Variants in ABCA5 observed in about 807,000 individuals in gnomAD.
ABCA5 encodes cholesterol transporter ABCA5.
A neutral mutation model predicts 206.0 loss-of-function variants in ABCA5; 163 were observed. The ratio of observed to expected loss-of-function variants is 0.79; its 90% CI spans 0.70 to 0.90. The LOEUF (loss-of-function observed/expected upper bound fraction) is 0.90. Ranked by LOEUF, ABCA5 falls within the 40% of genes least tolerant of loss-of-function variation. The pLI, the probability that ABCA5 is intolerant of heterozygous loss-of-function variation, is 0.00. For missense variants in ABCA5, 1,859 were observed against 1,912.9 expected (o/e 0.97, Z 0.53); for synonymous variants, 609 against 613.8 (o/e 0.99, Z 0.11).
intron 23 of ABCA5, among the ~76,000 whole-genome samples, chr17:69,265,292 G>T (rs2075196121): frequency 6.6e-6 from 1 of 152,042 alleles, no homozygotes; most frequent in African/African-American, 2.4e-5. Context: ...CACAGAAAAA[G>T]AATTCTCAGT....
At chr17:69,294,851 A>G (rs1598187035) in intron 10 of ABCA5, 138 bp from the exon 11 acceptor site, 1 of 544,326 alleles carries the variant, frequency 1.8e-6, no homozygotes, top group Admixed American at 3.5e-5. Flanking sequence ...TCCTACTAAA[A>G]CAATGAACCA....
intron 21 of ABCA5, 122 bp downstream of exon 21, chr17:69,271,040 T>A: frequency 8.3e-7 from 1 of 1,211,346 alleles, no homozygotes; most frequent in Non-Finnish European, 1.1e-6. Flanking sequence ...AGCTAGTTAT[T>A]TCCAAAAGTA....
chr17:69,279,837 A>C (rs887239067), intron 18 of ABCA5, among the ~76,000 whole-genome samples: 1 of 152,226 alleles, frequency 6.6e-6, no homozygotes, highest in Non-Finnish European at 1.5e-5. Flanking sequence ...CATATGTAGA[A>C]AGCTGAAACT....
In ABCA5 at chr17:69,270,758, T is replaced by A. The variant is rs1555577492; in HGVS notation, c.2893-8A>T. ...AGCTGCAAAAACATAGTCCTACAAT[T>A]AAAAAAAAGACACTTATTACATACT... On this transcript the variant is annotated splice_region_variant and splice_polypyrimidine_tract_variant and intron_variant, in intron 21 of 38. Transcript: ENST00000392676. 3 of 1,520,648 alleles carry A rather than the reference T, an allele frequency of 2.0e-6. No individual in the cohort carries two copies. The highest frequency in any genetic ancestry group is 2.6e-6 in the Non-Finnish European group (3 of 1,140,538). 94.2% of individuals were successfully genotyped at this position (1,520,648 alleles called of 1,614,324 possible).
intron 28 of ABCA5, 21 bp from the exon 29 acceptor site, chr17:69,256,304 T>A (rs771030655): frequency 2.8e-6 from 4 of 1,452,898 alleles, no homozygotes; most frequent in Non-Finnish European, 3.7e-6. Context: ...ATAATAAATA[T>A]AAAAGACAGT....
rs1276285746 is a variant in ABCA5, at chr17:69,259,792, G to A, written c.3645C>T (p.Tyr1215=). 8.8e-6 allele frequency: 14 copies of A among 1,588,848 alleles called. No homozygotes were observed. Among genetic ancestry groups the A allele is most frequent in the African/African-American group, 1.4e-5 (1 of 73,898 alleles). The change falls in exon 28 of 39, where the codon TAC becomes TAT. Residue 1215 remains tyrosine, a synonymous_variant. Coordinates refer to ENST00000392676, the MANE Select transcript of ABCA5 (RefSeq NM_172232.4). ...GGAAAATCCACAGTACACACTGCAGGTAAGGCTAAAAGAAGAACATGTAGC... is the reference window on the plus strand; with the variant it reads ...GGAAAATCCACAGTACACACTGCAGATAAGGCTAAAAGAAGAACATGTAGC... ...DRLSVAVISP[Y]LQCVLWIFLL...
chr17:69,283,868 T>C, intron 18 of ABCA5, 85 bp downstream of exon 18: 2 of 1,339,036 alleles, frequency 1.5e-6, no homozygotes, highest in Non-Finnish European at 2.0e-6. Context: ...CTAAAAAAAA[T>C]ATAAAATTAC....
chr17:69,252,182 T>C (rs1244301755), intron 34 of ABCA5, among the ~76,000 whole-genome samples: 1 of 151,438 alleles, frequency 6.6e-6, no homozygotes, highest in African/African-American at 2.4e-5. Flanking sequence ...CGGCTAATTT[T>C]TTTTTGTATT....
intron 23 of ABCA5, among the ~76,000 whole-genome samples, chr17:69,267,421 G>A (rs1374025342): frequency 6.6e-6 from 1 of 152,146 alleles, no homozygotes; most frequent in Non-Finnish European, 1.5e-5. Flanking sequence ...AAAAGAAAGT[G>A]AAAGAATACC....
intron 19 of ABCA5, among the ~76,000 whole-genome samples, chr17:69,274,946 C>G (rs553437388): frequency 7.0e-6 from 1 of 141,932 alleles, no homozygotes; most frequent in African/African-American, 2.6e-5. Context: ...CAGGTTCAAA[C>G]GATTGTCATG....
intron 21 of ABCA5, 26 bp downstream of exon 21, chr17:69,271,136 A>T: frequency 1.9e-6 from 3 of 1,597,024 alleles, no homozygotes; most frequent in Non-Finnish European, 2.6e-6. Context: ...TCCCAAATGG[A>T]TATTCATTCA....
At chr17:69,269,593 C>A (rs1300285376) in intron 22 of ABCA5, among the ~76,000 whole-genome samples, 1 of 152,090 alleles carries the variant, frequency 6.6e-6, no homozygotes, top group Non-Finnish European at 1.5e-5. Context: ...AAATCTTCTA[C>A]TCAAATATTC....
At chr17:69,282,105 T>C (rs2075400384) in intron 18 of ABCA5, among the ~76,000 whole-genome samples, 1 of 152,202 alleles carries the variant, frequency 6.6e-6, no homozygotes, top group African/African-American at 2.4e-5. Context: ...TCACCACTCT[T>C]ACAGTCTACC....
Position 69,270,761 on chromosome 17 carries a change from A to T in ABCA5, c.2893-11T>A. The T allele has an allele frequency of 6.6e-7, 1 of 1,523,590 alleles. No homozygotes were observed. The highest frequency in any genetic ancestry group is 8.8e-7 in the Non-Finnish European group (1 of 1,141,982). 94.4% of individuals were successfully genotyped at this position (1,523,590 alleles called of 1,614,324 possible). On this transcript the variant is annotated splice_polypyrimidine_tract_variant and intron_variant, in intron 21 of 38. Coordinates refer to ENST00000392676, the MANE Select transcript of ABCA5 (RefSeq NM_172232.4). Reference sequence around the variant, plus strand: ...TGCAAAAACATAGTCCTACAATTAAAAAAAAGACACTTATTACATACTGTA... The same window carrying T: ...TGCAAAAACATAGTCCTACAATTAATAAAAAGACACTTATTACATACTGTA...
chr17:69,312,722 C>A (rs2075781993), intron 3 of ABCA5, among the ~76,000 whole-genome samples: 1 of 152,078 alleles, frequency 6.6e-6, no homozygotes, highest in African/African-American at 2.4e-5. Context: ...GTAGCTGGGA[C>A]TACAGGCACA....
In ABCA5 at chr17:69,306,795, T is replaced by C. The variant is rs1567780053; in HGVS notation, c.718A>G (p.Ile240Val). The C allele has an allele frequency of 1.3e-6, 2 of 1,591,574 alleles. No homozygotes were observed. Among genetic ancestry groups the C allele is most frequent in the Non-Finnish European group, 1.7e-6 (2 of 1,168,616 alleles). Residue 240 changes from isoleucine (I) to valine (V), a missense_variant, in exon 6 of 39, where the codon ATC (isoleucine) becomes GTC (valine). Coordinates refer to ENST00000392676, the MANE Select transcript of ABCA5 (RefSeq NM_172232.4). The stretch of plus-strand genomic sequence containing the variant: ...ATTTTTTTTTCTTTTTCTGCTACGA[T>C]ATGAATTGCCAAAAAGTATCCAAAA... ...SPFGYFLAIH[I>V]VAEKEKKIKE...
Position 69,289,997 on chromosome 17 carries a change from ATCTATT to A in ABCA5, c.1641_1646del (p.Glu547_Ile548del). 2 of 1,611,944 alleles carry A rather than the reference ATCTATT, an allele frequency of 1.2e-6. No homozygotes were observed. The highest frequency in any genetic ancestry group is 1.7e-6 in the Non-Finnish European group (2 of 1,179,174). ...TCATTTTTCTTGCTTCAAACATTTC[ATCTATT>A]TCTGAGACTCTGTGTCCATATATAG... On this transcript the variant is annotated inframe_deletion, in exon 13 of 39. Transcript: ENST00000392676.
Position 69,245,781 on chromosome 17 carries a change from A to T in ABCA5, c.*1756T>A, listed in dbSNP as rs1033118747. The T allele has an allele frequency of 2.0e-5, 3 of 152,026 alleles. No homozygotes were observed. Among genetic ancestry groups the T allele is most frequent in the Admixed American group, 2.0e-4 (3 of 15,270 alleles). 9.4% of individuals were successfully genotyped at this position (152,026 alleles called of 1,614,324 possible). A position where few individuals can be genotyped will look rare whatever the true frequency, so the allele number is the denominator to read the frequency against. The stretch of plus-strand genomic sequence containing the variant: ...ACTTTGCACCAATTACACATTCACA[A>T]ATGTAAAGTGAAAGTTACCAAATCT... On this transcript the variant is annotated 3_prime_UTR_variant, in exon 39 of 39. Transcript: ENST00000392676.
At chr17:69,271,502 G>C (rs1487959063) in intron 20 of ABCA5, among the ~76,000 whole-genome samples, 1 of 152,132 alleles carries the variant, frequency 6.6e-6, no homozygotes, top group East Asian at 1.9e-4. Context: ...AGATGTTCTG[G>C]ACCTTAAGTT....
Sources: gnomAD v4.1 joint callset for allele counts (sites outside exome capture counted in the v4.1 genomes callset) on GRCh38, gnomAD v4.1.1 for gene constraint, MANE v1.5 for transcripts, NCBI Gene and HGNC (gene_info 2026-07-23, HGNC 2026-07-21) for gene names.